The following ATG7 variants were observed in gnomAD, a reference collection of about 807,000 sequenced individuals.
ATG7 encodes the protein ubiquitin-like modifier-activating enzyme ATG7.
A neutral mutation model predicts 82.4 loss-of-function variants in ATG7; 70 were observed. The ratio of observed to expected loss-of-function variants is 0.85; its 90% CI spans 0.70 to 1.04. The LOEUF (loss-of-function observed/expected upper bound fraction) is 1.04, where lower values mean the gene tolerates loss of function less well. Ranked by LOEUF, ATG7 falls within the 50% of genes least tolerant of loss-of-function variation. The pLI, the probability that ATG7 is intolerant of heterozygous loss-of-function variation, is 0.00. For synonymous variants in ATG7, 287 were observed against 313.0 expected (o/e 0.92, Z 0.88); for missense variants, 792 against 864.3 (o/e 0.92, Z 1.05).
chr3:11,483,201 C>T lies in ATG7; in HGVS notation c.2079+56275C>T, dbSNP rs73021306. ...TTCTCCCCGTCCCCCTGCCCCTAAC[C>T]CAGGTCATGGAGAGGTAAAGTGATA... is the stretch of plus-strand genomic sequence containing the variant. On this transcript the variant is annotated intron_variant, in intron 20 of 20. Transcript: ENST00000693202. 1.0e-2 allele frequency among the ~76,000 whole-genome samples: 1,517 copies of T among 152,278 alleles called. 11 individuals carry two copies. Among genetic ancestry groups the T allele is most frequent in the Non-Finnish European group, 0.016 (1,074 of 68,022 alleles).
chr3:11,388,100 G>A (rs567360904), intron 19 of ATG7, among the ~76,000 whole-genome samples: 1 of 152,216 alleles, frequency 6.6e-6, no homozygotes, highest in Non-Finnish European at 1.5e-5. Context: ...TCCTAGATGA[G>A]ACACTAGGAT....
chr3:11,490,926 T>C (rs539925982), intron 20 of ATG7, among the ~76,000 whole-genome samples: 10 of 152,266 alleles, frequency 6.6e-5, no homozygotes, highest in East Asian at 5.8e-4. Flanking sequence ...ATTTCAACTT[T>C]GGTGAATCTG....
chr3:11,470,314 A>G (rs994607327), intron 20 of ATG7, among the ~76,000 whole-genome samples: 1 of 152,176 alleles, frequency 6.6e-6, no homozygotes, highest in Non-Finnish European at 1.5e-5. Context: ...CTACATACTT[A>G]GGCTATATGG....
rs954906923 is a variant in ATG7, at chr3:11,555,143, T to G, written c.*300T>G. 2 of 430,296 alleles carry G rather than the reference T, an allele frequency of 4.6e-6. No individual in the cohort carries two copies. Among genetic ancestry groups the G allele is most frequent in the Non-Finnish European group, 8.3e-6 (2 of 241,200 alleles). The allele number at this position is 430,296 out of a possible 1,614,324, so 26.7% of individuals were successfully genotyped here. A position where few individuals can be genotyped will look rare whatever the true frequency, so the allele number is the denominator to read the frequency against. On this transcript the variant is annotated 3_prime_UTR_variant, in exon 21 of 21. Transcript: ENST00000693202. Reference sequence around the variant, plus strand: ...AGTGACTGATAGCCATCCCCCAGGATCCTTTCCCCTTGGCCCTGAGGGGGT... The same window carrying G: ...AGTGACTGATAGCCATCCCCCAGGAGCCTTTCCCCTTGGCCCTGAGGGGGT...
intron 19 of ATG7, among the ~76,000 whole-genome samples, chr3:11,413,101 T>C (rs1181244271): frequency 3.3e-5 from 5 of 152,194 alleles, no homozygotes; most frequent in Admixed American, 6.5e-5. Flanking sequence ...TAAAATCATA[T>C]CATTTGCAAG....
chr3:11,564,968 G>A, the ATG7 span: 1 of 1,545,064 alleles, frequency 6.5e-7, no homozygotes, highest in Non-Finnish European at 8.7e-7. Context: ...CGATGGGGCT[G>A]CGGCTCCGCT....
At chr3:11,339,175 A>G (rs1371316729) in intron 11 of ATG7, among the ~76,000 whole-genome samples, 2 of 151,276 alleles carry the variant, frequency 1.3e-5, no homozygotes, top group East Asian at 3.9e-4. Context: ...GGGCGCGTGT[A>G]CTCCCAGCTA....
intron 19 of ATG7, among the ~76,000 whole-genome samples, chr3:11,401,176 C>T (rs1024320473): frequency 1.3e-5 from 2 of 152,194 alleles, no homozygotes; most frequent in Non-Finnish European, 2.9e-5. Context: ...TTGGGCCCAG[C>T]TACTTCTGTT....
chr3:11,460,764 T>A (rs555644062), intron 20 of ATG7, among the ~76,000 whole-genome samples: 2 of 152,302 alleles, frequency 1.3e-5, no homozygotes, highest in South Asian at 4.1e-4. Context: ...GAGATAATGA[T>A]TATTCTTATA....
chr3:11,298,630 C>T, intron 3 of ATG7, 56 bp from the exon 4 acceptor site: 1 of 1,505,410 alleles, frequency 6.6e-7, no homozygotes, highest in South Asian at 1.2e-5. Flanking sequence ...TGTTCTTTCT[C>T]ACCAGGTTTT....
intron 20 of ATG7, among the ~76,000 whole-genome samples, chr3:11,452,410 G>GAAAAAAAAAAAAAAAAAAAA (rs2085286455): frequency 1.8e-5 from 2 of 110,720 alleles, no homozygotes; most frequent in African/African-American, 3.9e-5. Flanking sequence ...AAAAAAAAAG[G>GAAAAAAAAAAAAAAAAAAAA]AAATGTTCTG....
chr3:11,564,285 G>C, the ATG7 span, among the ~76,000 whole-genome samples: 1 of 152,116 alleles, frequency 6.6e-6, no homozygotes, highest in Non-Finnish European at 1.5e-5. Context: ...ACCAATCATA[G>C]GCTTCTGACC....
intron 20 of ATG7, among the ~76,000 whole-genome samples, chr3:11,503,453 T>C (rs1275783048): frequency 6.6e-6 from 1 of 151,882 alleles, no homozygotes. Context: ...CAAAAAATGC[T>C]ATTAACAAAA....
the ATG7 span, among the ~76,000 whole-genome samples, chr3:11,574,785 A>ATGTATATGTGTGTGTG: frequency 8.2e-6 from 1 of 121,700 alleles, no homozygotes; most frequent in African/African-American, 3.2e-5. Context: ...TCAACTATAT[A>ATGTATATGTGTGTGTG]TGTGTGTGTG....
In ATG7 at chr3:11,401,437, C is replaced by A. The variant is rs536569922; in HGVS notation, c.1956+21385C>A. 3.5e-4 allele frequency among the ~76,000 whole-genome samples: 54 copies of A among 152,236 alleles called. 2 individuals are homozygous for A. The South Asian group carries it at 0.01, about 29-fold the overall frequency. On this transcript the variant is annotated intron_variant, in intron 19 of 20. Coordinates refer to ENST00000693202, the MANE Select transcript of ATG7 (RefSeq NM_001349232.2). Reference sequence around the variant, plus strand: ...GATGACCGAGAATAGAAAGTTGTATCTTCTAAAAATTCATTTTAAAGTGAG... The same window carrying A: ...GATGACCGAGAATAGAAAGTTGTATATTCTAAAAATTCATTTTAAAGTGAG...
chr3:11,424,787 T>C (rs955174820), intron 19 of ATG7, among the ~76,000 whole-genome samples: 18 of 152,196 alleles, frequency 1.2e-4, no homozygotes, highest in African/African-American at 4.3e-4. Flanking sequence ...AGATGATACA[T>C]GCATAAACAA....
intron 3 of ATG7, among the ~76,000 whole-genome samples, chr3:11,286,571 C>CT (rs1559326733): frequency 1.5e-5 from 1 of 65,362 alleles, no homozygotes; most frequent in African/African-American, 5.1e-5. Context: ...CTTTTCTTTT[C>CT]TTTCTTTCTT....
rs186533158 is a variant in ATG7 at position 11,310,643 on chromosome 3, T to A, written c.411+1582T>A. 4.8e-3 allele frequency among the ~76,000 whole-genome samples: 725 copies of A among 152,054 alleles called. 5 individuals carry two copies. Among genetic ancestry groups the A allele is most frequent in the African/African-American group, 0.017 (695 of 41,520 alleles). ...TTTGGGTAATTCTGTAGTTTTTTTT[T>A]TTTTTTTGAGACGGAGTCTCGCTCT... is the stretch of plus-strand genomic sequence containing the variant. On this transcript the variant is annotated intron_variant, in intron 7 of 20. Coordinates refer to ENST00000693202, the MANE Select transcript of ATG7 (RefSeq NM_001349232.2).
At chr3:11,558,685 C>T (rs754039380), downstream of ATG7, 37 of 1,613,790 alleles carry the variant, frequency 2.3e-5, no homozygotes, top group South Asian at 5.5e-5. Context: ...TCTGGAGCCA[C>T]GTGTCACCCA....
Sources: gnomAD v4.1 joint callset for allele counts (sites outside exome capture counted in the v4.1 genomes callset) on GRCh38, gnomAD v4.1.1 for gene constraint, MANE v1.5 for transcripts, NCBI Gene and HGNC (gene_info 2026-07-23, HGNC 2026-07-21) for gene names.